Variants in PRKAR1A observed in about 807,000 individuals in gnomAD.
PRKAR1A encodes protein kinase cAMP-dependent type I regulatory subunit alpha, also known as cAMP-dependent protein kinase type I-alpha regulatory subunit.
In PRKAR1A, 3 loss-of-function variants were observed where a neutral mutation model predicts 52.0. The observed-to-expected ratio is 0.06, with a 90% confidence interval of 0.03 to 0.15. The LOEUF is 0.15. PRKAR1A is among the 10% of genes least tolerant of loss of function. PRKAR1A has a pLI of 1.00. For synonymous variants in PRKAR1A, 188 were observed against 168.4 expected (o/e 1.12, Z -0.90); for missense variants, 240 against 477.4 (o/e 0.50, Z 4.63).
chr17:68,540,829 G>T (rs1469310445), intron 11 of PRKAR1A: 3 of 1,579,502 alleles, frequency 1.9e-6, no homozygotes, highest in Non-Finnish European at 1.7e-6. Context: ...TCTGCTGGGG[G>T]CCTGCGTGTG....
the PRKAR1A span, among the ~76,000 whole-genome samples, chr17:68,454,668 T>C: frequency 6.6e-6 from 1 of 152,202 alleles, no homozygotes; most frequent in Non-Finnish European, 1.5e-5. Context: ...AAAATGTATT[T>C]TGTAGTGTTA....
chr17:68,527,761 TA>T, intron 7 of PRKAR1A, 78 bp from the exon 8 acceptor site: 1 of 1,175,350 alleles, frequency 8.5e-7, no homozygotes, highest in East Asian at 2.3e-5. Context: ...ATTTGAAACT[TA>T]ATATTTATTA....
At chr17:68,478,738 T>C in the PRKAR1A span, among the ~76,000 whole-genome samples, 1 of 151,968 alleles carries the variant, frequency 6.6e-6, no homozygotes, top group East Asian at 1.9e-4. Context: ...GTTTTGTTTT[T>C]TTTTTTTGAG....
the PRKAR1A span, among the ~76,000 whole-genome samples, chr17:68,486,430 T>TTTCC: frequency 4.7e-5 from 7 of 149,568 alleles, no homozygotes; most frequent in East Asian, 2.0e-4. Flanking sequence ...CCTTCTTTCT[T>TTTCC]TTCCTTCCTT....
chr17:68,458,937 T>G, the PRKAR1A span, among the ~76,000 whole-genome samples: 3 of 152,088 alleles, frequency 2.0e-5, no homozygotes, highest in African/African-American at 7.2e-5. Context: ...CTTTTATGTA[T>G]GTGTATATAT....
chr17:68,539,600 A>G (rs2086200360), intron 11 of PRKAR1A, among the ~76,000 whole-genome samples: 1 of 152,220 alleles, frequency 6.6e-6, no homozygotes, highest in Non-Finnish European at 1.5e-5. Flanking sequence ...TCCTTCATTC[A>G]TTCACTAGCT....
At chr17:68,426,247 A>AGGGG in the PRKAR1A span, 3 of 668,430 alleles carry the variant, frequency 4.5e-6, 1 homozygote, top group Non-Finnish European at 2.3e-6. Context: ...GCGGGTGGGG[A>AGGGG]GCGGGGGCTC....
chr17:68,433,760 G>GTTGTT, the PRKAR1A span, among the ~76,000 whole-genome samples: 3 of 72,822 alleles, frequency 4.1e-5, no homozygotes, highest in South Asian at 1.1e-3. Context: ...AAGGGTCATA[G>GTTGTT]TTTTTTTTTT....
At chr17:68,487,801 GACA>G in the PRKAR1A span, among the ~76,000 whole-genome samples, 1 of 122,372 alleles carries the variant, frequency 8.2e-6, no homozygotes. Context: ...CCTCATCTCA[GACA>G]AAAAAAAAAA....
At chr17:68,441,597 G>A in the PRKAR1A span, among the ~76,000 whole-genome samples, 1 of 152,174 alleles carries the variant, frequency 6.6e-6, no homozygotes. Context: ...GTGAGGACCT[G>A]GTCATGTCAC....
chr17:68,431,942 C>T, the PRKAR1A span, among the ~76,000 whole-genome samples: 1 of 152,272 alleles, frequency 6.6e-6, no homozygotes, highest in Admixed American at 6.5e-5. Context: ...TGGGGTTGAA[C>T]GGCATCTTAA....
At chr17:68,416,620 C>T in the PRKAR1A span, among the ~76,000 whole-genome samples, 5 of 152,256 alleles carry the variant, frequency 3.3e-5, no homozygotes, top group South Asian at 8.3e-4. Flanking sequence ...TAGATTTGGT[C>T]GTTTAACATA....
At chr17:68,541,613 C>T (rs1296882323) in intron 11 of PRKAR1A, 1 of 199,572 alleles carries the variant, frequency 5.0e-6, no homozygotes, top group Non-Finnish European at 1.0e-5. Flanking sequence ...TGCTCGGGAA[C>T]CAGGTGTCCC....
At chr17:68,452,822 A>T in the PRKAR1A span, 2 of 1,207,562 alleles carry the variant, frequency 1.7e-6, no homozygotes, top group Non-Finnish European at 1.2e-6. Context: ...AGGGAAAAAT[A>T]GGCAGCTTGG....
rs1476587776 is a variant in PRKAR1A at position 68,531,821 on chromosome 17, AT to A, written c.*1379del. 1 of 1,034,544 alleles carries A rather than the reference AT, an allele frequency of 9.7e-7. No individual in the cohort carries two copies. Among genetic ancestry groups the A allele is most frequent in the Non-Finnish European group, 1.2e-6 (1 of 851,096 alleles). 64.1% of individuals were successfully genotyped at this position (1,034,544 alleles called of 1,614,324 possible). A position where few individuals can be genotyped will look rare whatever the true frequency, so the allele number is the denominator to read the frequency against. Reference sequence around the variant, plus strand: ...TGATACCCAACAGTTTATTTTTATTATTTTTTTAAACAAAATTTCACAGTTC... The same window carrying A: ...TGATACCCAACAGTTTATTTTTATTATTTTTTAAACAAAATTTCACAGTTC... On this transcript the variant is annotated 3_prime_UTR_variant, in exon 11 of 11. Coordinates refer to ENST00000589228, the MANE Select transcript of PRKAR1A (RefSeq NM_002734.5).
chr17:68,550,953 G>A, intron 11 of PRKAR1A: 10 of 724,308 alleles, frequency 1.4e-5, no homozygotes, highest in Non-Finnish European at 1.9e-5. Context: ...GGCTCTCAAT[G>A]GGCCTCCCCT....
the PRKAR1A span, among the ~76,000 whole-genome samples, chr17:68,457,686 G>A: frequency 6.6e-6 from 1 of 151,892 alleles, no homozygotes; most frequent in South Asian, 2.1e-4. Flanking sequence ...CCCTGCCTCC[G>A]GCCACCATTG....
At chr17:68,434,062 G>A in the PRKAR1A span, among the ~76,000 whole-genome samples, 5 of 152,000 alleles carry the variant, frequency 3.3e-5, no homozygotes, top group East Asian at 1.9e-4. Context: ...GAGCCACCGC[G>A]CCCGGCCCAT....
chr17:68,537,367 A>G (rs2086123318), downstream of PRKAR1A: 3 of 1,385,478 alleles, frequency 2.2e-6, no homozygotes, highest in Non-Finnish European at 3.1e-6. The surrounding 1 kb of genome is among the most constrained non-coding windows in gnomAD (Gnocchi z 4.2). Flanking sequence ...CTTCCTTCCT[A>G]GCTGACTTGA....
Sources: allele counts gnomAD v4.1 joint callset (sites outside exome capture counted in the v4.1 genomes callset), GRCh38; gene constraint gnomAD v4.1.1; non-coding constraint Gnocchi (gnomAD v3.1); transcripts MANE v1.5; gene names NCBI Gene and HGNC (gene_info 2026-07-23, HGNC 2026-07-21).